The following UNC80 variants were observed in gnomAD, a reference collection of about 807,000 sequenced individuals.
UNC80 encodes protein unc-80 homolog.
Under a neutral mutation model 384.6 loss-of-function variants are expected in UNC80, and 164 were observed. The ratio of observed to expected loss-of-function variants is 0.43; its 90% CI spans 0.38 to 0.49. The LOEUF (loss-of-function observed/expected upper bound fraction) is 0.49, where lower values mean the gene tolerates loss of function less well. Ranked by LOEUF, UNC80 falls within the 20% of genes least tolerant of loss-of-function variation. The probability of loss-of-function intolerance (pLI) is 0.00; values close to 1 mark genes in which losing one functional copy is unlikely to be tolerated. For synonymous variants in UNC80, 1,486 were observed against 1,527.8 expected (o/e 0.97, Z 0.64); for missense variants, 3,330 against 4,143.0 (o/e 0.80, Z 5.39).
intron 60 of UNC80, among the ~76,000 whole-genome samples, chr2:209,983,807 T>C (rs1280643623): frequency 6.6e-6 from 1 of 152,156 alleles, no homozygotes; most frequent in Admixed American, 6.5e-5. Context: ...ATATCTTGAT[T>C]GTACATTTTC....
At chr2:209,825,389 T>A (rs2080440014) in intron 13 of UNC80, among the ~76,000 whole-genome samples, 1 of 152,190 alleles carries the variant, frequency 6.6e-6, no homozygotes, top group Admixed American at 6.5e-5. Flanking sequence ...CTCACCTTGT[T>A]TGTGCATATG....
At chr2:209,972,566 A>C (rs192097382) in intron 55 of UNC80, among the ~76,000 whole-genome samples, 8 of 152,350 alleles carry the variant, frequency 5.3e-5, no homozygotes, top group African/African-American at 1.9e-4. Context: ...CAGTACAGCA[A>C]AAATCAGGGG....
intron 47 of UNC80, among the ~76,000 whole-genome samples, chr2:209,947,962 A>G (rs1450054729): frequency 6.6e-6 from 1 of 152,140 alleles, no homozygotes; most frequent in Admixed American, 6.5e-5. Flanking sequence ...GACTTCTGTC[A>G]TTCAGTATTA....
At chr2:209,798,966 G>C (rs1306971088) in intron 7 of UNC80, among the ~76,000 whole-genome samples, 2 of 149,956 alleles carry the variant, frequency 1.3e-5, no homozygotes, top group Admixed American at 6.6e-5. Context: ...TTACAGGCGC[G>C]ATCCACCGTG....
chr2:209,911,817 T>A (rs549830956), intron 29 of UNC80, among the ~76,000 whole-genome samples: 1 of 152,326 alleles, frequency 6.6e-6, no homozygotes, highest in East Asian at 1.9e-4. Context: ...GGTTCAGTCC[T>A]TCTCCCAGCT....
At chr2:209,969,439 G>T in intron 52 of UNC80, 1 of 277,966 alleles carries the variant, frequency 3.6e-6, no homozygotes, top group South Asian at 7.9e-5. Flanking sequence ...TAGTTCTATT[G>T]GGAGTAATTA....
chr2:209,959,353 G>A, intron 50 of UNC80, 136 bp from the exon 51 acceptor site: 1 of 1,077,642 alleles, frequency 9.3e-7, no homozygotes, highest in Non-Finnish European at 1.3e-6. Context: ...TTCGGATGAG[G>A]TTCTCCTTGG....
chr2:209,946,888 A>C (rs1256290570), intron 47 of UNC80, among the ~76,000 whole-genome samples: 1 of 152,224 alleles, frequency 6.6e-6, no homozygotes, highest in Non-Finnish European at 1.5e-5. Context: ...AGAATGAATA[A>C]GGGCCAGGAG....
Position 209,819,022 on chromosome 2 carries a change from G to A in UNC80, c.1723G>A (p.Ala575Thr), listed in dbSNP as rs1269173740. Reference protein sequence around the residue: ...VRSQISTITVATFNTTLASFN... With the variant: ...VRSQISTITVTTFNTTLASFN... ...ATCTCAGATCTCCACCATCACAGTT[G>A]CGACCTTCAATACCACTTTGGCGTC... The change falls in exon 12 of 65, where the codon GCG (alanine) becomes ACG (threonine). Residue 575 changes from alanine (A) to threonine (T), a missense_variant. Physicochemically the swap from Ala to Thr is moderately conservative, Grantham distance 58 (BLOSUM62 0). Transcript: ENST00000673920. The A allele has an allele frequency of 6.4e-7, 1 of 1,551,704 alleles. No individual in the cohort carries two copies. The highest frequency in any genetic ancestry group is 1.2e-5 in the South Asian group (1 of 84,054).
intron 47 of UNC80, among the ~76,000 whole-genome samples, chr2:209,950,097 G>T (rs994502344): frequency 3.9e-5 from 6 of 152,116 alleles, no homozygotes; most frequent in African/African-American, 1.4e-4. Context: ...CTCCCAAAGT[G>T]CTGGGATTAC....
At chr2:209,818,019 AT>A in intron 11 of UNC80, 67 bp downstream of exon 11, 1 of 1,507,610 alleles carries the variant, frequency 6.6e-7, no homozygotes, top group Non-Finnish European at 8.9e-7. Flanking sequence ...TCCTTACACC[AT>A]GTTACTTTCC....
intron 14 of UNC80, among the ~76,000 whole-genome samples, chr2:209,827,088 A>G (rs2080583815): frequency 6.6e-6 from 1 of 152,112 alleles, no homozygotes; most frequent in South Asian, 2.1e-4. Context: ...TATTTGCACT[A>G]TTAGCTTCTA....
At chr2:209,788,714 C>T (rs1191764362) in intron 5 of UNC80, among the ~76,000 whole-genome samples, 1 of 150,376 alleles carries the variant, frequency 6.6e-6, no homozygotes, top group Non-Finnish European at 1.5e-5. Flanking sequence ...TTGTTTTAAG[C>T]TAAGCCTATT....
At chr2:209,806,406 A>C (rs10932309) in intron 7 of UNC80, among the ~76,000 whole-genome samples, 92,504 of 151,488 alleles carry the variant, frequency 0.61, 28,530 homozygotes, top group Admixed American at 0.66. Flanking sequence ...CTCTCTCTCT[A>C]TATATATATT....
chr2:209,830,490 A>T (rs1000553524), intron 15 of UNC80, among the ~76,000 whole-genome samples: 4 of 152,210 alleles, frequency 2.6e-5, no homozygotes, highest in African/African-American at 4.8e-5. Context: ...TCTAGAGATC[A>T]TCCCCTGTCA....
In UNC80 at chr2:209,913,802, G is replaced by A; in HGVS notation, c.4891G>A (p.Val1631Met). The change falls in exon 31 of 65, where the codon GTG becomes ATG. Residue 1631 changes from valine (V) to methionine (M), a missense_variant and splice_region_variant. By Grantham distance (21) the Val-to-Met change is conservative. Coordinates refer to ENST00000673920, the MANE Select transcript of UNC80 (RefSeq NM_001371986.1). Reference sequence around the variant, plus strand: ...AAACATGATTTCCATCTTTTCCCAGGTGATGAGCTTGTCGCCTGCTCCCTT... The same window carrying A: ...AAACATGATTTCCATCTTTTCCCAGATGATGAGCTTGTCGCCTGCTCCCTT... Reference protein sequence around the residue: ...SGMLKYIRLQVMSLSPAPLSL... With the variant: ...SGMLKYIRLQMMSLSPAPLSL... 6.5e-7 allele frequency: 1 copy of A among 1,543,296 alleles called. No homozygotes were observed.
intron 43 of UNC80, 125 bp downstream of exon 43, chr2:209,939,777 A>C: frequency 1.2e-6 from 1 of 806,150 alleles, no homozygotes; most frequent in Non-Finnish European, 1.8e-6. Flanking sequence ...CAGGTTTGTT[A>C]CATATGTATA....
chr2:209,790,913 TTAATTAAC>T (rs1421844564), intron 6 of UNC80, among the ~76,000 whole-genome samples: 1 of 152,186 alleles, frequency 6.6e-6, no homozygotes, highest in African/African-American at 2.4e-5. Flanking sequence ...ATGTCCTAGT[TTAATTAAC>T]AGGGTATTTT....
chr2:209,899,630 A>T (rs1418247876), intron 28 of UNC80, among the ~76,000 whole-genome samples: 2 of 152,086 alleles, frequency 1.3e-5, no homozygotes, highest in African/African-American at 2.4e-5. Flanking sequence ...GACTATTTCT[A>T]GCCTGTCCTT....
Sources: allele counts gnomAD v4.1 joint callset (sites outside exome capture counted in the v4.1 genomes callset), GRCh38; gene constraint gnomAD v4.1.1; transcripts MANE v1.5; gene names NCBI Gene and HGNC (gene_info 2026-07-23, HGNC 2026-07-21).